Variants in TAFA1 observed in about 807,000 individuals in gnomAD.
TAFA1 encodes the protein chemokine-like protein TAFA-1.
TAFA1 carries 4 observed loss-of-function variants against 18.5 expected under a neutral mutation model. The ratio of observed to expected loss-of-function variants is 0.22; its 90% CI spans 0.11 to 0.49. TAFA1 has a LOEUF of 0.49. Ranked by LOEUF, TAFA1 falls within the 20% of genes least tolerant of loss-of-function variation. The probability of loss-of-function intolerance (pLI) is 0.98; values close to 1 mark genes in which losing one functional copy is unlikely to be tolerated. For missense variants in TAFA1, 147 were observed against 169.0 expected, an observed-to-expected ratio of 0.87 and a Z score of 0.72; for synonymous variants, 56 against 55.2, an observed-to-expected ratio of 1.01 and a Z score of -0.06.
At chr3:68,410,257 GT>G (rs201523428) in intron 2 of TAFA1, among the ~76,000 whole-genome samples, 4 of 151,382 alleles carry the variant, frequency 2.6e-5, no homozygotes, top group South Asian at 2.1e-4. Flanking sequence ...GCCCCATGGA[GT>G]TTTTTTTTGC....
chr3:68,169,884 T>C (rs1460128330), intron 2 of TAFA1, among the ~76,000 whole-genome samples: 1 of 152,196 alleles, frequency 6.6e-6, no homozygotes, highest in Non-Finnish European at 1.5e-5. Context: ...ATGACAAAGT[T>C]TGTTACTTAC....
At chr3:68,389,630 C>A (rs778129536) in intron 2 of TAFA1, among the ~76,000 whole-genome samples, 3 of 151,970 alleles carry the variant, frequency 2.0e-5, no homozygotes, top group Non-Finnish European at 2.9e-5. Context: ...GCAGAGAAGG[C>A]GGGTGATTTC....
intron 2 of TAFA1, among the ~76,000 whole-genome samples, chr3:68,146,256 A>G (rs988523144): frequency 3.3e-5 from 5 of 152,198 alleles, no homozygotes; most frequent in Non-Finnish European, 5.9e-5. Context: ...GCCATTCCTA[A>G]CAAGCTCCCA....
At chr3:68,429,280 T>C (rs73837611) in intron 3 of TAFA1, among the ~76,000 whole-genome samples, 4,081 of 152,028 alleles carry the variant, frequency 0.027, 174 homozygotes, top group African/African-American at 0.092. Context: ...TACTGGTTTG[T>C]AGTTACTGAG....
At chr3:67,995,913 G>A in the TAFA1 span, among the ~76,000 whole-genome samples, 3 of 152,076 alleles carry the variant, frequency 2.0e-5, no homozygotes, top group Non-Finnish European at 1.5e-5. Context: ...CCTAAAACAT[G>A]AATAAATGAG....
chr3:68,105,140 T>C (rs903502130), intron 2 of TAFA1, among the ~76,000 whole-genome samples: 32 of 152,102 alleles, frequency 2.1e-4, no homozygotes, highest in African/African-American at 7.5e-4. Context: ...GAGAACTCAT[T>C]ACTGTGAGAA....
At chr3:68,316,626 A>G (rs1249417255) in intron 2 of TAFA1, among the ~76,000 whole-genome samples, 2 of 152,188 alleles carry the variant, frequency 1.3e-5, no homozygotes, top group East Asian at 3.9e-4. Flanking sequence ...GGTTTGAGTG[A>G]ATTCTGAATT....
chr3:68,346,123 C>G lies in TAFA1; in HGVS notation c.119-71157C>G, dbSNP rs149788734. Among the ~76,000 whole-genome samples, 6 of 152,224 alleles carry G rather than the reference C, an allele frequency of 3.9e-5. No individual in the cohort carries two copies. In the East Asian group the frequency reaches 1.2e-3, roughly 29 times the overall value. On this transcript the variant is annotated intron_variant, in intron 2 of 4. Transcript: ENST00000478136. ...GTACTAGAGGGATGGGCAGCCTACT[C>G]AGATGGAATTAAGTTTTGTGTGTGT...
intron 2 of TAFA1, among the ~76,000 whole-genome samples, chr3:68,163,288 T>C (rs983478353): frequency 6.6e-6 from 1 of 152,216 alleles, no homozygotes; most frequent in Non-Finnish European, 1.5e-5. Flanking sequence ...GCCTGTGGTC[T>C]GGGAGTTAGC....
At chr3:68,197,962 G>C (rs1031512668) in intron 2 of TAFA1, among the ~76,000 whole-genome samples, 1 of 151,652 alleles carries the variant, frequency 6.6e-6, no homozygotes, top group Non-Finnish European at 1.5e-5. Context: ...AGATATTTTT[G>C]TCTGTTATGT....
chr3:68,524,433 G>A (rs2073074661), intron 3 of TAFA1, among the ~76,000 whole-genome samples: 1 of 152,136 alleles, frequency 6.6e-6, no homozygotes, highest in Admixed American at 6.5e-5. Flanking sequence ...AGAGGCAGGT[G>A]TAGAAGAGGA....
chr3:68,044,794 C>T (rs1164862606), intron 2 of TAFA1, among the ~76,000 whole-genome samples: 1 of 152,200 alleles, frequency 6.6e-6, no homozygotes, highest in Non-Finnish European at 1.5e-5. Flanking sequence ...TGGGTCTCTT[C>T]TCCCAGTCTT....
intron 2 of TAFA1, among the ~76,000 whole-genome samples, chr3:68,378,924 C>T (rs904095408): frequency 1.2e-4 from 18 of 152,164 alleles, no homozygotes; most frequent in African/African-American, 4.3e-4. Context: ...CCTAAGACCT[C>T]CCAGCCATGT....
intron 2 of TAFA1, among the ~76,000 whole-genome samples, chr3:68,125,781 C>T (rs749678283): frequency 4.6e-5 from 7 of 152,278 alleles, no homozygotes; most frequent in South Asian, 2.1e-4. Context: ...GTGCCTGCCT[C>T]GGGGTTACTT....
chr3:68,347,476 C>T (rs2106766400), intron 2 of TAFA1, among the ~76,000 whole-genome samples: 1 of 152,262 alleles, frequency 6.6e-6, no homozygotes, highest in South Asian at 2.1e-4. Context: ...TAGTTATTTC[C>T]TAATGGATTT....
intron 2 of TAFA1, among the ~76,000 whole-genome samples, chr3:68,298,589 A>C (rs1020296281): frequency 1.3e-5 from 2 of 152,156 alleles, no homozygotes; most frequent in Non-Finnish European, 2.9e-5. Flanking sequence ...GTCAAGGGAG[A>C]GACCAGGTGG....
chr3:68,128,392 C>T (rs1197191851), intron 2 of TAFA1, among the ~76,000 whole-genome samples: 1 of 152,128 alleles, frequency 6.6e-6, no homozygotes, highest in Non-Finnish European at 1.5e-5. Flanking sequence ...GGCAGGACTC[C>T]AACCACAACT....
intron 3 of TAFA1, among the ~76,000 whole-genome samples, chr3:68,478,227 G>C (rs1035714640): frequency 1.3e-5 from 2 of 152,154 alleles, no homozygotes; most frequent in African/African-American, 4.8e-5. Context: ...ACACAGTATG[G>C]CAAGTTGACA....
chr3:68,353,833 A>G (rs1416258014), intron 2 of TAFA1, among the ~76,000 whole-genome samples: 2 of 152,062 alleles, frequency 1.3e-5, no homozygotes, highest in Admixed American at 1.3e-4. Context: ...TGGGCTAAAA[A>G]AGAGTAAGCT....
Sources: gnomAD v4.1 joint callset for allele counts (sites outside exome capture counted in the v4.1 genomes callset) on GRCh38, gnomAD v4.1.1 for gene constraint, MANE v1.5 for transcripts, NCBI Gene and HGNC (gene_info 2026-07-23, HGNC 2026-07-21) for gene names.